The following GOLT1B variants were observed in gnomAD, a reference collection of about 807,000 sequenced individuals.
GOLT1B encodes the protein vesicle transport protein GOT1B.
Under a neutral mutation model 15.4 loss-of-function variants are expected in GOLT1B, and 3 were observed. The observed-to-expected ratio is 0.19, with a 90% CI of 0.09 to 0.50. The LOEUF (loss-of-function observed/expected upper bound fraction) is 0.50, where lower values mean the gene tolerates loss of function less well. Among genes scored for constraint, GOLT1B ranks in the 20% least tolerant of loss-of-function variants. The pLI is 0.97. For missense variants in GOLT1B, 145 were observed against 160.4 expected (o/e 0.90, Z 0.52); for synonymous variants, 65 against 56.2 (o/e 1.16, Z -0.70).
Position 21,516,141 on chromosome 12 carries a change from A to C in GOLT1B, c.*434A>C, listed in dbSNP as rs748173242. Reference sequence around the variant, plus strand: ...ATTTCCAGTTGCACTGTATCTCTGGAAGTGATGCATGAATTCGATTGGATT... The same window carrying C: ...ATTTCCAGTTGCACTGTATCTCTGGCAGTGATGCATGAATTCGATTGGATT... On this transcript the variant is annotated 3_prime_UTR_variant, in exon 5 of 5. Coordinates refer to ENST00000229314, the MANE Select transcript of GOLT1B (RefSeq NM_016072.5). 2 of 153,712 alleles carry C rather than the reference A, an allele frequency of 1.3e-5. No homozygotes were observed. The highest frequency in any genetic ancestry group is 2.9e-5 in the Non-Finnish European group (2 of 69,116). 9.5% of individuals were successfully genotyped at this position (153,712 alleles called of 1,614,324 possible). A position where few individuals can be genotyped will look rare whatever the true frequency, so the allele number is the denominator to read the frequency against.
intron 3 of GOLT1B, among the ~76,000 whole-genome samples, chr12:21,508,865 A>G (rs1393180818): frequency 6.9e-6 from 1 of 144,458 alleles, no homozygotes; most frequent in Non-Finnish European, 1.5e-5. Context: ...AGGTCGGTCG[A>G]TCGATCAATC....
chr12:21,508,356 C>G, intron 2 of GOLT1B, 27 bp from the exon 3 acceptor site: 1 of 1,393,356 alleles, frequency 7.2e-7, no homozygotes, highest in Non-Finnish European at 9.9e-7. Flanking sequence ...ATTACCTTTT[C>G]CGTGTTGTAT....
At chr12:21,510,807 T>C (rs779918389) in intron 3 of GOLT1B, among the ~76,000 whole-genome samples, 3 of 152,242 alleles carry the variant, frequency 2.0e-5, no homozygotes, top group Non-Finnish European at 2.9e-5. Context: ...TATTTTGACT[T>C]CTGCAGATCC....
chr12:21,515,283 A>G, intron 4 of GOLT1B: 1 of 1,347,000 alleles, frequency 7.4e-7, no homozygotes, highest in Non-Finnish European at 1.0e-6. Flanking sequence ...CAGTTGAAAT[A>G]TCTTATTGGG....
chr12:21,516,713 G>A lies in GOLT1B; in HGVS notation c.*1006G>A, dbSNP rs529356216. ...AACATGTTAAAAGGTTAAACTTATGGCTATTTTTAAAGGGCTATTCATTTA... is the reference window on the plus strand; with the variant it reads ...AACATGTTAAAAGGTTAAACTTATGACTATTTTTAAAGGGCTATTCATTTA... On this transcript the variant is annotated 3_prime_UTR_variant, in exon 5 of 5. Transcript: ENST00000229314. 2 of 151,848 alleles carry A rather than the reference G, an allele frequency of 1.3e-5. No individual in the cohort carries two copies. Among genetic ancestry groups the A allele is most frequent in the East Asian group, 3.9e-4 (2 of 5,176 alleles). The allele number at this position is 151,848 out of a possible 1,614,324, so 9.4% of individuals were successfully genotyped here. A position where few individuals can be genotyped will look rare whatever the true frequency, so the allele number is the denominator to read the frequency against.
In GOLT1B at chr12:21,516,088, T is replaced by C. The variant is rs1434856535; in HGVS notation, c.*381T>C. ...GGAGCATCCATAGGCATTTGCTTTT[T>C]AGAAATGTCCACTGCAATGGCAAAA... is the stretch of plus-strand genomic sequence containing the variant. On this transcript the variant is annotated 3_prime_UTR_variant, in exon 5 of 5. Transcript: ENST00000229314. 6.0e-6 allele frequency: 1 copy of C among 166,834 alleles called. No homozygotes were observed. The highest frequency in any genetic ancestry group is 6.4e-5 in the Admixed American group (1 of 15,620). 10.3% of individuals were successfully genotyped at this position (166,834 alleles called of 1,614,324 possible). A position where few individuals can be genotyped will look rare whatever the true frequency, so the allele number is the denominator to read the frequency against.
chr12:21,504,879 T>C (rs1943668461), intron 1 of GOLT1B, among the ~76,000 whole-genome samples: 1 of 152,102 alleles, frequency 6.6e-6, no homozygotes, highest in Non-Finnish European at 1.5e-5. Flanking sequence ...AAAAGATGCG[T>C]CCCCCAGAAG....
At chr12:21,508,823 T>C (rs1393801647) in intron 3 of GOLT1B, among the ~76,000 whole-genome samples, 1 of 152,176 alleles carries the variant, frequency 6.6e-6, no homozygotes, top group East Asian at 1.9e-4. Context: ...ATCTTTATGT[T>C]GGATATTTGT....
At chr12:21,507,536 A>G (rs1319307905) in intron 2 of GOLT1B, among the ~76,000 whole-genome samples, 252 of 73,218 alleles carry the variant, frequency 3.4e-3, no homozygotes, top group African/African-American at 0.013. Context: ...GTGTATATAT[A>G]TATATACACA....
chr12:21,515,396 A>G, intron 4 of GOLT1B: 1 of 586,116 alleles, frequency 1.7e-6, no homozygotes, highest in Non-Finnish European at 3.0e-6. Context: ...CAATTTCTTT[A>G]TTCATTGTGT....
At chr12:21,509,297 G>A (rs999511524) in intron 3 of GOLT1B, among the ~76,000 whole-genome samples, 2 of 148,960 alleles carry the variant, frequency 1.3e-5, no homozygotes, top group African/African-American at 4.9e-5. Context: ...TACTCGGGAG[G>A]CTGAGGCAGG....
At chr12:21,508,695 A>G in intron 3 of GOLT1B, 134 bp downstream of exon 3, 1 of 602,022 alleles carries the variant, frequency 1.7e-6, no homozygotes, top group South Asian at 2.1e-5. Context: ...TGAATCTTAT[A>G]GATTTAGATG....
intron 3 of GOLT1B, 94 bp from the exon 4 acceptor site, chr12:21,512,201 A>G: frequency 2.7e-6 from 2 of 728,232 alleles, no homozygotes; most frequent in Admixed American, 2.3e-5. Flanking sequence ...ATTATTCAGA[A>G]TTTTAACAGG....
chr12:21,503,057 G>A (rs553570301), intron 1 of GOLT1B, among the ~76,000 whole-genome samples: 1 of 152,338 alleles, frequency 6.6e-6, no homozygotes, highest in East Asian at 1.9e-4. Flanking sequence ...CCCTCCTGAG[G>A]CTGGACTGGG....
At chr12:21,504,801 G>C (rs183969549) in intron 1 of GOLT1B, among the ~76,000 whole-genome samples, 6 of 152,238 alleles carry the variant, frequency 3.9e-5, no homozygotes, top group Admixed American at 1.3e-4. Flanking sequence ...CTTTTTGACC[G>C]CAGTTAATTT....
intron 3 of GOLT1B, among the ~76,000 whole-genome samples, chr12:21,509,954 G>C (rs1943708130): frequency 6.6e-6 from 1 of 152,166 alleles, no homozygotes; most frequent in Admixed American, 6.5e-5. Context: ...ACCTTATCCT[G>C]TAACCAAATT....
chr12:21,509,995 C>CG (rs1378114094), intron 3 of GOLT1B, among the ~76,000 whole-genome samples: 3 of 151,942 alleles, frequency 2.0e-5, no homozygotes, highest in Non-Finnish European at 4.4e-5. Context: ...TGGAGAAGGT[C>CG]GGGGGAGTGG....
At position 21,501,967 on chromosome 12, in the gene GOLT1B, G is replaced by A. The variant is rs756715592; in HGVS notation, c.25+19G>A. On this transcript the variant is annotated intron_variant, in intron 1 of 4. Transcript: ENST00000229314. ...ACGCAGAGTAAGCACCTGCTCCGGG[G>A]CCCCCGCCTCGAGCCGCGCACACCC... The A allele has an allele frequency of 5.7e-6, 9 of 1,592,370 alleles. No individual in the cohort carries two copies. The East Asian group carries it at 8.9e-5, about 16-fold the overall frequency.
intron 2 of GOLT1B, chr12:21,507,907 A>G (rs1421939313): frequency 2.2e-6 from 1 of 452,408 alleles, no homozygotes; most frequent in Non-Finnish European, 4.4e-6. Context: ...TTCTTCTGCT[A>G]TCAACTTAGC....
Sources: gnomAD v4.1 joint callset for allele counts (sites outside exome capture counted in the v4.1 genomes callset) on GRCh38, gnomAD v4.1.1 for gene constraint, MANE v1.5 for transcripts, NCBI Gene and HGNC (gene_info 2026-07-23, HGNC 2026-07-21) for gene names.